The following DAAM1 variants were observed in gnomAD, a reference collection of about 807,000 sequenced individuals.
DAAM1 encodes dishevelled associated activator of morphogenesis 1, also known as disheveled-associated activator of morphogenesis 1.
DAAM1 carries 52 observed loss-of-function variants against 130.0 expected under a neutral mutation model. That is an observed-to-expected ratio of 0.40 (90% CI 0.32 to 0.50). The LOEUF (loss-of-function observed/expected upper bound fraction) is 0.50, where lower values mean the gene tolerates loss of function less well. Among genes scored for constraint, DAAM1 ranks in the 20% least tolerant of loss-of-function variants. The pLI is 0.61. For missense variants in DAAM1, 1,134 were observed against 1,303.8 expected, an observed-to-expected ratio of 0.87 and a Z score of 2.01; for synonymous variants, 452 against 444.5, an observed-to-expected ratio of 1.02 and a Z score of -0.21.
intron 1 of DAAM1, among the ~76,000 whole-genome samples, chr14:59,223,721 G>A (rs1438645713): frequency 6.6e-6 from 1 of 152,182 alleles, no homozygotes; most frequent in Non-Finnish European, 1.5e-5. Context: ...AAATCCAGAT[G>A]GGTCCACTAG....
chr14:59,306,544 A>T (rs1269309118), intron 3 of DAAM1, among the ~76,000 whole-genome samples: 2 of 152,206 alleles, frequency 1.3e-5, no homozygotes, highest in Non-Finnish European at 2.9e-5. Flanking sequence ...TTTAGATTTT[A>T]AAATGCTGCC....
chr14:59,261,100 T>C (rs907537364), intron 1 of DAAM1, among the ~76,000 whole-genome samples: 3 of 152,146 alleles, frequency 2.0e-5, no homozygotes, highest in Admixed American at 6.5e-5. Context: ...TGGTGGCATA[T>C]ACAGCACAGT....
intron 15 of DAAM1, 118 bp downstream of exon 15, chr14:59,332,038 T>C: frequency 1.2e-6 from 1 of 850,302 alleles, no homozygotes; most frequent in Middle Eastern, 2.3e-4. Flanking sequence ...GGCTGTTGGA[T>C]CTACCCTGTG....
At chr14:59,278,285 G>A (rs756521424) in intron 2 of DAAM1, among the ~76,000 whole-genome samples, 9 of 152,072 alleles carry the variant, frequency 5.9e-5, no homozygotes, top group African/African-American at 1.9e-4. Context: ...CATCTGCTGC[G>A]GGTGAACCTG....
intron 23 of DAAM1, among the ~76,000 whole-genome samples, chr14:59,365,426 G>A (rs536438958): frequency 3.2e-4 from 49 of 152,196 alleles, no homozygotes; most frequent in African/African-American, 7.9e-4. Flanking sequence ...TATATATGGC[G>A]TCTGAAGAAT....
intron 1 of DAAM1, among the ~76,000 whole-genome samples, chr14:59,234,736 C>A (rs1380467385): frequency 6.6e-6 from 1 of 152,148 alleles, no homozygotes; most frequent in Non-Finnish European, 1.5e-5. Context: ...AGCTTTTGCC[C>A]ATTCAGTATG....
At chr14:59,210,661 CT>C (rs2139410229) in intron 1 of DAAM1, among the ~76,000 whole-genome samples, 1 of 152,300 alleles carries the variant, frequency 6.6e-6, no homozygotes, top group East Asian at 1.9e-4. Context: ...AGGCTAGCTT[CT>C]GTCATTTTCT....
rs538633906 is a variant in DAAM1 at position 59,370,281 on chromosome 14, G to C, written c.*1422G>C. The C allele has an allele frequency of 6.6e-6, 1 of 150,682 alleles. No individual in the cohort carries two copies. Among genetic ancestry groups the C allele is most frequent in the Admixed American group, 6.7e-5 (1 of 14,992 alleles). The allele number at this position is 150,682 out of a possible 1,614,324, so 9.3% of individuals were successfully genotyped here. ...GAGAGTAGTTTGTCCTGTTGCACTA[G>C]AACATTATTTACTCACTAAATTGAG... On this transcript the variant is annotated 3_prime_UTR_variant, in exon 25 of 25. Transcript: ENST00000360909.
chr14:59,358,300 A>G (rs947966423), intron 20 of DAAM1, among the ~76,000 whole-genome samples: 3 of 152,162 alleles, frequency 2.0e-5, no homozygotes, highest in African/African-American at 7.2e-5. Context: ...CTGTTATCCT[A>G]CTTGCTGGCC....
chr14:59,334,998 G>T (rs575645302), intron 15 of DAAM1, among the ~76,000 whole-genome samples: 1 of 152,190 alleles, frequency 6.6e-6, no homozygotes. Flanking sequence ...AGTTCTCAAT[G>T]GAGCTCTTAT....
chr14:59,259,905 G>A, intron 1 of DAAM1, among the ~76,000 whole-genome samples: 1 of 152,156 alleles, frequency 6.6e-6, no homozygotes, highest in East Asian at 1.9e-4. Context: ...TTAGCTGGAT[G>A]TGGTGGCGGG....
At chr14:59,359,309 C>A in intron 20 of DAAM1, 88 bp from the exon 21 acceptor site, 2 of 976,100 alleles carry the variant, frequency 2.0e-6, no homozygotes, top group Non-Finnish European at 3.0e-6. Context: ...GCATATAAAT[C>A]ATATGCAGAT....
intron 20 of DAAM1, among the ~76,000 whole-genome samples, chr14:59,357,135 GTAT>G (rs772367326): frequency 1.8e-4 from 27 of 152,304 alleles, no homozygotes; most frequent in Admixed American, 1.4e-3. Flanking sequence ...GTCAAATGAG[GTAT>G]TATTTGGATC....
At chr14:59,189,674 T>C (rs990194694) in intron 1 of DAAM1, among the ~76,000 whole-genome samples, 1 of 152,160 alleles carries the variant, frequency 6.6e-6, no homozygotes, top group Non-Finnish European at 1.5e-5. Context: ...TTTACCCAGC[T>C]GGTTCTGAAA....
At chr14:59,304,750 T>C (rs1432421863) in intron 3 of DAAM1, among the ~76,000 whole-genome samples, 1 of 152,220 alleles carries the variant, frequency 6.6e-6, no homozygotes, top group Non-Finnish European at 1.5e-5. Context: ...GAGTTTATGG[T>C]GGTCTAAAAT....
intron 1 of DAAM1, among the ~76,000 whole-genome samples, chr14:59,222,164 T>C (rs1377130691): frequency 6.6e-6 from 1 of 152,194 alleles, no homozygotes; most frequent in East Asian, 1.9e-4. Context: ...GTAGGGAACA[T>C]GGTAAGACTA....
chr14:59,313,918 T>C (rs1884688133), intron 3 of DAAM1, among the ~76,000 whole-genome samples: 1 of 152,206 alleles, frequency 6.6e-6, no homozygotes, highest in African/African-American at 2.4e-5. Flanking sequence ...GCTTCTTCAA[T>C]CTCCAGATGA....
At position 59,331,802 on chromosome 14, in the gene DAAM1, G is replaced by C. The variant is rs746460827; in HGVS notation, c.1861-11G>C. The stretch of plus-strand genomic sequence containing the variant: ...TGTAAACTATAGCACTTATTACATT[G>C]ATGTTTCTAGAACAAACTGGAAGGA... On this transcript the variant is annotated splice_polypyrimidine_tract_variant and intron_variant, in intron 14 of 24. Coordinates refer to ENST00000360909, the MANE Select transcript of DAAM1 (RefSeq NM_001270520.2). 8.1e-6 allele frequency: 13 copies of C among 1,609,806 alleles called. No homozygotes were observed. In the East Asian group the frequency reaches 8.9e-5, roughly 11 times the overall value.
chr14:59,272,947 A>G (rs1166130709), intron 2 of DAAM1, among the ~76,000 whole-genome samples: 1 of 152,196 alleles, frequency 6.6e-6, no homozygotes, highest in Non-Finnish European at 1.5e-5. Flanking sequence ...CTGATGGTTT[A>G]TGATATAGGC....
Sources: allele counts gnomAD v4.1 joint callset (sites outside exome capture counted in the v4.1 genomes callset), GRCh38; gene constraint gnomAD v4.1.1; transcripts MANE v1.5; gene names NCBI Gene and HGNC (gene_info 2026-07-23, HGNC 2026-07-21).